Variants in CENPC observed in about 807,000 individuals in gnomAD.
The protein encoded by CENPC is CENP-C 1.
A neutral mutation model predicts 112.1 loss-of-function variants in CENPC; 63 were observed. The observed-to-expected ratio is 0.56, with a 90% CI of 0.46 to 0.69. The LOEUF (loss-of-function observed/expected upper bound fraction) is 0.69, where lower values mean the gene tolerates loss of function less well. Ranked by LOEUF, CENPC falls within the 30% of genes least tolerant of loss-of-function variation. CENPC has a pLI of 0.00. For synonymous variants in CENPC, 333 were observed against 367.6 expected, an observed-to-expected ratio of 0.91 and a Z score of 1.08; for missense variants, 1,000 against 1,103.8, an observed-to-expected ratio of 0.91 and a Z score of 1.33.
chr4:67,478,763 A>G (rs554714324), intron 17 of CENPC, among the ~76,000 whole-genome samples: 2 of 152,254 alleles, frequency 1.3e-5, no homozygotes, highest in South Asian at 4.2e-4. Context: ...GCTCCACTTA[A>G]AAGATACAGA....
At chr4:67,480,791 T>C (rs1348129172) in intron 17 of CENPC, among the ~76,000 whole-genome samples, 2 of 152,144 alleles carry the variant, frequency 1.3e-5, no homozygotes, top group East Asian at 3.9e-4. Flanking sequence ...AGAAGGAGCA[T>C]AACTCAAGGT....
chr4:67,491,212 C>T (rs1351912777), intron 16 of CENPC, among the ~76,000 whole-genome samples: 1 of 149,664 alleles, frequency 6.7e-6, no homozygotes, highest in Non-Finnish European at 1.5e-5. Context: ...TGGCTCTGCA[C>T]ACCCAGGCTG....
chr4:67,477,797 T>A (rs1195824423), intron 17 of CENPC, among the ~76,000 whole-genome samples: 2 of 152,148 alleles, frequency 1.3e-5, no homozygotes, highest in Non-Finnish European at 2.9e-5. Context: ...AAAGAATTTT[T>A]TTTTAAAAAT....
At chr4:67,536,112 C>T (rs1343903031) in intron 4 of CENPC, among the ~76,000 whole-genome samples, 1 of 151,834 alleles carries the variant, frequency 6.6e-6, no homozygotes, top group Non-Finnish European at 1.5e-5. Flanking sequence ...ATGTTAATGA[C>T]AGAAAAATAC....
chr4:67,513,983 CT>C, intron 8 of CENPC, 90 bp downstream of exon 8: 1 of 1,262,702 alleles, frequency 7.9e-7, no homozygotes, highest in Non-Finnish European at 1.1e-6. Flanking sequence ...TTTAGGTTTA[CT>C]TTGCCTACTT....
At chr4:67,477,361 A>G (rs1364899484) in intron 17 of CENPC, among the ~76,000 whole-genome samples, 1 of 152,200 alleles carries the variant, frequency 6.6e-6, no homozygotes, top group Non-Finnish European at 1.5e-5. Flanking sequence ...AGACCTGAAG[A>G]CAGATCATAT....
intron 9 of CENPC, 154 bp downstream of exon 9, chr4:67,512,248 G>T: frequency 1.7e-6 from 1 of 592,936 alleles, no homozygotes; most frequent in South Asian, 2.3e-5. Context: ...ACGCTTCAAG[G>T]AATATCTTTA....
At position 67,518,251 on chromosome 4, in the gene CENPC, A is replaced by T. The variant is rs776526109; in HGVS notation, c.735T>A (p.Asn245Lys). Residue 245 changes from asparagine (N) to lysine (K), a missense_variant, in exon 7 of 19, where the codon AAT becomes AAA. Asn to Lys is a moderately conservative substitution (Grantham distance 94). Transcript: ENST00000273853. ...QERKPSGSSQ[N>K]RIRDSEYEIQ... is the part of the protein sequence containing the mutation. ...TTTCATATTCTGAATCTCGTATTCT[A>T]TTCTGAGATGATCCTGATGGTTTTC... The T allele has an allele frequency of 2.6e-6, 4 of 1,561,938 alleles. No individual in the cohort carries two copies.
intron 16 of CENPC, among the ~76,000 whole-genome samples, chr4:67,491,528 G>GAGAGAGAGAGAGAGA (rs1725280713): frequency 7.6e-6 from 1 of 130,850 alleles, no homozygotes; most frequent in Non-Finnish European, 1.7e-5. Flanking sequence ...GAGAGAGAGA[G>GAGAGAGAGAGAGAGA]CCTGGTTGTT....
chr4:67,512,425 C>T lies in CENPC; in HGVS notation c.1589G>A (p.Trp530Ter), dbSNP rs769567181. ...SRRISRRPSD[W>*]WVVKSEESPV... ...ACTCTCCTCTGATTTTACCACCCACCAATCAGATGGACGCCTGGAAATTCT... is the reference window on the plus strand; with the variant it reads ...ACTCTCCTCTGATTTTACCACCCACTAATCAGATGGACGCCTGGAAATTCT... The change falls in exon 9 of 19, where the codon TGG (tryptophan) becomes TAG (stop). Residue 530 changes from tryptophan to a stop codon, truncating the protein, a stop_gained. Transcript: ENST00000273853. LOFTEE classifies it high-confidence loss of function. The T allele has an allele frequency of 6.3e-7, 1 of 1,595,484 alleles. No individual in the cohort carries two copies. Among genetic ancestry groups the T allele is most frequent in the South Asian group, 1.2e-5 (1 of 86,840 alleles).
At chr4:67,487,079 G>GT (rs1360445105) in intron 17 of CENPC, among the ~76,000 whole-genome samples, 1 of 146,060 alleles carries the variant, frequency 6.8e-6, no homozygotes, top group Non-Finnish European at 1.5e-5. Context: ...ATTCTTTTTA[G>GT]TTATCTGTCA....
intron 17 of CENPC, among the ~76,000 whole-genome samples, chr4:67,475,878 C>T (rs545358206): frequency 1.5e-3 from 223 of 152,210 alleles, no homozygotes; most frequent in African/African-American, 5.1e-3. Flanking sequence ...TGTGAGCCAC[C>T]GCGCCCAGCC....
At chr4:67,535,118 C>G (rs1357389978) in intron 4 of CENPC, among the ~76,000 whole-genome samples, 1 of 151,864 alleles carries the variant, frequency 6.6e-6, no homozygotes, top group East Asian at 1.9e-4. Flanking sequence ...GGAAAATACA[C>G]CTGACTAAAA....
intron 17 of CENPC, 108 bp downstream of exon 17, chr4:67,489,859 A>G (rs1725190501): frequency 3.3e-6 from 3 of 897,856 alleles, no homozygotes; most frequent in Non-Finnish European, 3.3e-6. Flanking sequence ...TGTGTGGTGT[A>G]GTAATCGAAT....
At chr4:67,484,592 A>C (rs746766003) in intron 17 of CENPC, among the ~76,000 whole-genome samples, 111 of 152,342 alleles carry the variant, frequency 7.3e-4, no homozygotes, top group Middle Eastern at 3.4e-3. Flanking sequence ...GCTCCTTATG[A>C]AAATCTAATG....
At chr4:67,489,878 T>C in intron 17 of CENPC, 89 bp downstream of exon 17, 1 of 1,146,352 alleles carries the variant, frequency 8.7e-7, no homozygotes, top group Non-Finnish European at 1.2e-6. Flanking sequence ...ATTTCATTTC[T>C]GAGAAAACAG....
intron 17 of CENPC, among the ~76,000 whole-genome samples, chr4:67,483,192 G>A (rs1725000164): frequency 6.6e-6 from 1 of 151,966 alleles, no homozygotes; most frequent in African/African-American, 2.4e-5. Context: ...ACCCAGTCTT[G>A]GGCAGTTCTT....
chr4:67,543,340 T>C (rs1034707610), intron 2 of CENPC, among the ~76,000 whole-genome samples: 2 of 152,170 alleles, frequency 1.3e-5, no homozygotes, highest in African/African-American at 2.4e-5. Context: ...TACTTTATCT[T>C]AGTCTTTAAA....
rs148780550 is a variant in CENPC at position 67,498,797 on chromosome 4, T to A, written c.2132-3585A>T. Among the ~76,000 whole-genome samples the A allele has an allele frequency of 7.2e-5, 11 of 152,354 alleles. No individual in the cohort carries two copies. The East Asian group carries it at 2.1e-3, about 29-fold the overall frequency. On this transcript the variant is annotated intron_variant, in intron 12 of 18. Coordinates refer to ENST00000273853, the MANE Select transcript of CENPC (RefSeq NM_001812.4). ...GGAATCAACTTCTTCCAAGCTCCTG[T>A]TAATATTGATATTTTGACCTCCTCC...
Sources: allele counts gnomAD v4.1 joint callset (sites outside exome capture counted in the v4.1 genomes callset), GRCh38; gene constraint gnomAD v4.1.1; transcripts MANE v1.5; gene names NCBI Gene and HGNC (gene_info 2026-07-23, HGNC 2026-07-21).